The following SPATA13 variants were observed in gnomAD, a reference collection of about 807,000 sequenced individuals.
SPATA13 encodes the protein spermatogenesis-associated protein 13.
Under a neutral mutation model 104.0 loss-of-function variants are expected in SPATA13, and 50 were observed. That is an observed-to-expected ratio of 0.48 (90% CI 0.38 to 0.61). The LOEUF is 0.61. SPATA13 is among the 20% of genes least tolerant of loss of function. The pLI, the probability that SPATA13 is intolerant of heterozygous loss-of-function variation, is 0.00. For missense variants in SPATA13, 1,524 were observed against 1,690.6 expected, an observed-to-expected ratio of 0.90 and a Z score of 1.73; for synonymous variants, 606 against 667.5, an observed-to-expected ratio of 0.91 and a Z score of 1.42.
intron 3 of SPATA13, among the ~76,000 whole-genome samples, chr13:24,093,114 A>G (rs899439353): frequency 6.6e-6 from 1 of 152,110 alleles, no homozygotes; most frequent in African/African-American, 2.4e-5. Context: ...CAATCCATCC[A>G]TTTTCCACCT....
At chr13:24,020,729 A>G (rs1248953720) in intron 3 of SPATA13, among the ~76,000 whole-genome samples, 1 of 152,228 alleles carries the variant, frequency 6.6e-6, no homozygotes, top group African/African-American at 2.4e-5. Context: ...AAGGCACTTT[A>G]TGCTAAAAGT....
intron 1 of SPATA13, among the ~76,000 whole-genome samples, chr13:24,187,461 A>G (rs1479920081): frequency 3.3e-5 from 5 of 152,146 alleles, no homozygotes; most frequent in Admixed American, 3.3e-4. Flanking sequence ...CTTACGTTTT[A>G]TTCTGCCTAG....
At chr13:24,252,197 G>C (rs1873533175) in intron 4 of SPATA13, among the ~76,000 whole-genome samples, 1 of 152,110 alleles carries the variant, frequency 6.6e-6, no homozygotes, top group South Asian at 2.1e-4. Context: ...TCTTCTGAGG[G>C]CTGTGAGGGA....
Position 24,121,476 on chromosome 13 carries a change from A to G in SPATA13, c.-111-101343A>G, listed in dbSNP as rs117523785. Among the ~76,000 whole-genome samples the G allele has an allele frequency of 1.9e-3, 283 of 152,336 alleles. 4 individuals carry two copies. The East Asian group carries it at 0.05, about 27-fold the overall frequency. On this transcript the variant is annotated intron_variant, in intron 3 of 14. Coordinates refer to the SPATA13 transcript ENST00000424834. Reference sequence around the variant, plus strand: ...AGTGCCAATTCATTTCCTGATTTTTATAATCAGTTATGTAGTGCTACAATA... The same window carrying G: ...AGTGCCAATTCATTTCCTGATTTTTGTAATCAGTTATGTAGTGCTACAATA...
intron 2 of SPATA13, among the ~76,000 whole-genome samples, chr13:24,006,439 CAT>C (rs1555253764): frequency 6.6e-6 from 1 of 152,198 alleles, no homozygotes; most frequent in Non-Finnish European, 1.5e-5. Flanking sequence ...ACAAGACAAA[CAT>C]GTTTCCAGCA....
exon 2 of SPATA13, chr13:23,983,798 TA>T (rs1343610186): frequency 6.3e-6 from 5 of 789,548 alleles, no homozygotes. Flanking sequence ...GTGACCTGTC[TA>T]TCTGCATTTT....
chr13:24,236,659 A>G (rs923696008), intron 2 of SPATA13, among the ~76,000 whole-genome samples: 7 of 152,122 alleles, frequency 4.6e-5, no homozygotes, highest in African/African-American at 1.7e-4. Flanking sequence ...CAGTGTCACT[A>G]ATCATTAGGG....
intron 7 of SPATA13, among the ~76,000 whole-genome samples, chr13:24,288,705 A>G (rs1212164411): frequency 6.6e-6 from 1 of 152,220 alleles, no homozygotes; most frequent in Non-Finnish European, 1.5e-5. Context: ...AGAGTTTGGA[A>G]AAACACGTGA....
rs528577119 is a variant in SPATA13 at position 24,107,818 on chromosome 13, C to T, written c.-112+90117C>T. On this transcript the variant is annotated intron_variant, in intron 3 of 14. Transcript: ENST00000424834. The stretch of plus-strand genomic sequence containing the variant: ...CAGAACTCTAATAAGATGTGTACTG[C>T]TCTATCGGCACGTTAAATCTAGGTG... 2.6e-5 allele frequency among the ~76,000 whole-genome samples: 4 copies of T among 152,314 alleles called. No individual in the cohort carries two copies. In the South Asian group the frequency reaches 6.2e-4, roughly 24 times the overall value.
intron 1 of SPATA13, among the ~76,000 whole-genome samples, chr13:24,188,944 C>T (rs190407140): frequency 6.8e-4 from 103 of 152,268 alleles, no homozygotes; most frequent in Admixed American, 1.3e-3. Flanking sequence ...ATAAATGGAA[C>T]AAAGCCTAGA....
At chr13:24,300,958 A>C (rs1877144119) in intron 12 of SPATA13, among the ~76,000 whole-genome samples, 2 of 152,174 alleles carry the variant, frequency 1.3e-5, no homozygotes, top group Admixed American at 1.3e-4. Context: ...GAGTTAGACA[A>C]AAAAAGACAC....
intron 3 of SPATA13, among the ~76,000 whole-genome samples, chr13:24,066,046 A>G (rs1451030150): frequency 6.6e-6 from 1 of 152,258 alleles, no homozygotes; most frequent in East Asian, 1.9e-4. Context: ...TGCCAAGTAC[A>G]TAGTATGTGT....
At chr13:24,256,869 C>T (rs1593468164) in intron 4 of SPATA13, among the ~76,000 whole-genome samples, 1 of 152,226 alleles carries the variant, frequency 6.6e-6, no homozygotes, top group East Asian at 1.9e-4. Flanking sequence ...CTGTAAACAC[C>T]ACTGCATTGT....
chr13:24,219,506 G>T (rs1489179972), intron 1 of SPATA13, among the ~76,000 whole-genome samples: 1 of 152,184 alleles, frequency 6.6e-6, no homozygotes, highest in Non-Finnish European at 1.5e-5. Context: ...ACCTTGGTAC[G>T]GATTAGACAA....
At chr13:23,996,825 C>T (rs570710688) in intron 2 of SPATA13, among the ~76,000 whole-genome samples, 61 of 152,320 alleles carry the variant, frequency 4.0e-4, no homozygotes, top group African/African-American at 1.4e-3. Flanking sequence ...AGCCAGCAGT[C>T]GCCTCCCTCT....
intron 4 of SPATA13, among the ~76,000 whole-genome samples, chr13:24,283,767 C>A (rs1875720229): frequency 6.6e-6 from 1 of 152,192 alleles, no homozygotes; most frequent in South Asian, 2.1e-4. Flanking sequence ...TCATCTTTTT[C>A]ATCTTTTTTA....
chr13:24,064,107 G>A (rs184942564), intron 3 of SPATA13, among the ~76,000 whole-genome samples: 1 of 152,266 alleles, frequency 6.6e-6, no homozygotes, highest in African/African-American at 2.4e-5. Flanking sequence ...TCTTGTCAGT[G>A]TTCACTGCAC....
At chr13:24,020,134 C>A (rs1876913105) in intron 3 of SPATA13, among the ~76,000 whole-genome samples, 1 of 152,184 alleles carries the variant, frequency 6.6e-6, no homozygotes, top group East Asian at 1.9e-4. Flanking sequence ...TCCCTGTTGG[C>A]ATGAAACACA....
At chr13:24,049,186 T>G (rs1438482359) in intron 3 of SPATA13, among the ~76,000 whole-genome samples, 1 of 152,222 alleles carries the variant, frequency 6.6e-6, no homozygotes, top group East Asian at 1.9e-4. Flanking sequence ...ACAGCAGCAG[T>G]AACAACAGCA....
Sources: gnomAD v4.1 joint callset for allele counts (sites outside exome capture counted in the v4.1 genomes callset) on GRCh38, gnomAD v4.1.1 for gene constraint, MANE v1.5 for transcripts, NCBI Gene and HGNC (gene_info 2026-07-23, HGNC 2026-07-21) for gene names.